GALNT13: variants seen among roughly 807,000 people sequenced by gnomAD.
GALNT13 encodes polypeptide N-acetylgalactosaminyltransferase 13, also known as UDP-GalNAc:polypeptide N-acetylgalactosaminyltransferase 13.
A neutral mutation model predicts 64.2 loss-of-function variants in GALNT13; 28 were observed. That is an observed-to-expected ratio of 0.44 (90% CI 0.32 to 0.60). The LOEUF (loss-of-function observed/expected upper bound fraction) is 0.60, where lower values mean the gene tolerates loss of function less well. Among genes scored for constraint, GALNT13 ranks in the 20% least tolerant of loss-of-function variants. The pLI is 0.05. For missense variants in GALNT13, 577 were observed against 669.8 expected, an observed-to-expected ratio of 0.86 and a Z score of 1.53; for synonymous variants, 214 against 224.6, an observed-to-expected ratio of 0.95 and a Z score of 0.42.
the GALNT13 span, among the ~76,000 whole-genome samples, chr2:153,103,163 C>T: frequency 6.6e-6 from 1 of 152,142 alleles, no homozygotes; most frequent in Non-Finnish European, 1.5e-5. Flanking sequence ...TCCCTGCAAC[C>T]AGAAGAATAA....
At chr2:154,087,320 T>A (rs371577279) in intron 3 of GALNT13, among the ~76,000 whole-genome samples, 3 of 152,206 alleles carry the variant, frequency 2.0e-5, no homozygotes, top group Admixed American at 1.3e-4. Context: ...AAGTCTCTGA[T>A]ACATTGAGTC....
chr2:153,988,220 C>T (rs185592890), intron 3 of GALNT13, among the ~76,000 whole-genome samples: 1 of 151,876 alleles, frequency 6.6e-6, no homozygotes, highest in Non-Finnish European at 1.5e-5. Flanking sequence ...ATATACTGTA[C>T]GTTGTCATTG....
chr2:153,161,777 G>A, the GALNT13 span, among the ~76,000 whole-genome samples: 1 of 152,166 alleles, frequency 6.6e-6, no homozygotes, highest in Admixed American at 6.5e-5. Flanking sequence ...GCCATAATAA[G>A]ACCTGTCAGT....
At chr2:153,812,392 T>A in the GALNT13 span, among the ~76,000 whole-genome samples, 14 of 152,324 alleles carry the variant, frequency 9.2e-5, no homozygotes, top group East Asian at 2.7e-3. Flanking sequence ...ATTTCCTTAA[T>A]CCTTTATGTA....
the GALNT13 span, among the ~76,000 whole-genome samples, chr2:153,284,012 C>G: frequency 2.0e-5 from 3 of 152,172 alleles, no homozygotes; most frequent in Admixed American, 6.5e-5. Flanking sequence ...CTCTAAATAC[C>G]TGCAGATCTG....
chr2:153,752,253 A>C, the GALNT13 span, among the ~76,000 whole-genome samples: 3 of 152,030 alleles, frequency 2.0e-5, no homozygotes, highest in Admixed American at 6.6e-5. Context: ...ACTTAGGATA[A>C]GAGTAGTTTA....
chr2:153,834,033 G>A, the GALNT13 span, among the ~76,000 whole-genome samples: 5 of 152,032 alleles, frequency 3.3e-5, no homozygotes, highest in African/African-American at 1.2e-4. Context: ...TTGTGATTTA[G>A]GCATACTCAA....
chr2:153,346,520 T>C, the GALNT13 span, among the ~76,000 whole-genome samples: 3 of 152,092 alleles, frequency 2.0e-5, no homozygotes, highest in Non-Finnish European at 4.4e-5. Context: ...TTATAATTTA[T>C]TTTTTTTAAT....
At chr2:153,300,516 C>G in the GALNT13 span, among the ~76,000 whole-genome samples, 1 of 152,080 alleles carries the variant, frequency 6.6e-6, no homozygotes, top group African/African-American at 2.4e-5. Context: ...GTATTTGGAG[C>G]CTTATCATTT....
the GALNT13 span, among the ~76,000 whole-genome samples, chr2:153,628,078 G>T: frequency 2.0e-5 from 3 of 152,018 alleles, no homozygotes; most frequent in Non-Finnish European, 2.9e-5. Flanking sequence ...CCTTGTAAGT[G>T]GGATTCCTAG....
At chr2:153,248,354 C>T in the GALNT13 span, among the ~76,000 whole-genome samples, 83 of 152,256 alleles carry the variant, frequency 5.5e-4, 1 homozygote, top group Admixed American at 7.2e-4. Context: ...CATCACAAAG[C>T]TTATCCACCA....
At chr2:153,853,604 G>A in the GALNT13 span, among the ~76,000 whole-genome samples, 1 of 151,520 alleles carries the variant, frequency 6.6e-6, no homozygotes, top group Non-Finnish European at 1.5e-5. Flanking sequence ...CAACAACATG[G>A]GTGAATCTCA....
intron 3 of GALNT13, among the ~76,000 whole-genome samples, chr2:154,127,173 T>C (rs1682332353): frequency 6.6e-6 from 1 of 152,178 alleles, no homozygotes; most frequent in Non-Finnish European, 1.5e-5. Context: ...GAGTTTTCCC[T>C]CCCCAGTAGC....
At chr2:153,538,268 G>A in the GALNT13 span, among the ~76,000 whole-genome samples, 3 of 147,142 alleles carry the variant, frequency 2.0e-5, no homozygotes, top group East Asian at 6.0e-4. Context: ...CTTTGAACTT[G>A]GGAAAGATTA....
chr2:154,417,595 C>A (rs926915960), intron 11 of GALNT13, among the ~76,000 whole-genome samples: 2 of 150,800 alleles, frequency 1.3e-5, no homozygotes, highest in African/African-American at 2.4e-5. Context: ...ACTGCAACCT[C>A]CACCTCCCGG....
At chr2:153,073,488 A>G in the GALNT13 span, among the ~76,000 whole-genome samples, 1 of 151,988 alleles carries the variant, frequency 6.6e-6, no homozygotes, top group Non-Finnish European at 1.5e-5. Flanking sequence ...ATGCAAAATG[A>G]AAGAATAATA....
chr2:153,598,436 C>A, the GALNT13 span, among the ~76,000 whole-genome samples: 2 of 151,980 alleles, frequency 1.3e-5, no homozygotes, highest in African/African-American at 4.8e-5. Flanking sequence ...CAATTATCAT[C>A]CTATCTAAAG....
the GALNT13 span, among the ~76,000 whole-genome samples, chr2:153,327,939 C>T: frequency 2.0e-5 from 3 of 152,092 alleles, no homozygotes; most frequent in Admixed American, 1.3e-4. Flanking sequence ...GATTTATCTA[C>T]CATTGGTCTT....
intron 7 of GALNT13, among the ~76,000 whole-genome samples, chr2:154,251,353 A>G (rs1367324189): frequency 2.0e-5 from 3 of 152,148 alleles, no homozygotes; most frequent in African/African-American, 7.2e-5. Context: ...GGTCCTAGGA[A>G]TTATTAAAAA....
Sources: gnomAD v4.1 joint callset for allele counts (sites outside exome capture counted in the v4.1 genomes callset) on GRCh38, gnomAD v4.1.1 for gene constraint, MANE v1.5 for transcripts, NCBI Gene and HGNC (gene_info 2026-07-23, HGNC 2026-07-21) for gene names.